Variants in GNAQ observed in about 807,000 individuals in gnomAD.
The protein encoded by GNAQ is G protein subunit alpha q.
A neutral mutation model predicts 43.9 loss-of-function variants in GNAQ; 8 were observed. That is an observed-to-expected ratio of 0.18 (90% CI 0.11 to 0.33). The LOEUF (loss-of-function observed/expected upper bound fraction) is 0.33, where lower values mean the gene tolerates loss of function less well. Among genes scored for constraint, GNAQ ranks in the 10% least tolerant of loss-of-function variants. The pLI, the probability that GNAQ is intolerant of heterozygous loss-of-function variation, is 1.00. For missense variants in GNAQ, 158 were observed against 450.8 expected, an observed-to-expected ratio of 0.35 and a Z score of 5.88; for synonymous variants, 155 against 170.7, an observed-to-expected ratio of 0.91 and a Z score of 0.71.
intron 2 of GNAQ, among the ~76,000 whole-genome samples, chr9:77,822,842 A>G (rs186417753): frequency 6.6e-6 from 1 of 152,310 alleles, no homozygotes; most frequent in East Asian, 1.9e-4. Flanking sequence ...CCCCTTTAAC[A>G]GAGCCAGAAA....
intron 1 of GNAQ, among the ~76,000 whole-genome samples, chr9:78,022,108 C>T (rs1204244003): frequency 6.6e-6 from 1 of 152,190 alleles, no homozygotes; most frequent in African/African-American, 2.4e-5. Flanking sequence ...CTCCCCACTG[C>T]AGGGCACTCA....
intron 1 of GNAQ, among the ~76,000 whole-genome samples, chr9:77,971,283 GC>G (rs1335138842): frequency 1.3e-5 from 2 of 152,162 alleles, no homozygotes; most frequent in African/African-American, 4.8e-5. Flanking sequence ...ATTTTATGAG[GC>G]CAGCATCATC....
At chr9:77,999,451 C>T (rs1823617167) in intron 1 of GNAQ, among the ~76,000 whole-genome samples, 1 of 152,162 alleles carries the variant, frequency 6.6e-6, no homozygotes, top group African/African-American at 2.4e-5. Flanking sequence ...ACTTTAAAAG[C>T]TGATAGAGAA....
intron 3 of GNAQ, among the ~76,000 whole-genome samples, chr9:77,814,071 A>C (rs1826972660): frequency 1.3e-5 from 2 of 152,186 alleles, no homozygotes; most frequent in South Asian, 4.1e-4. Context: ...ATGAGACAGC[A>C]GCAACATGGG....
chr9:77,923,599 A>T (rs1299037393), intron 1 of GNAQ, among the ~76,000 whole-genome samples: 1 of 152,114 alleles, frequency 6.6e-6, no homozygotes, highest in African/African-American at 2.4e-5. Context: ...CTCCCTCTCA[A>T]ATTTCCTTGA....
At chr9:77,787,200 A>G (rs918260787) in intron 5 of GNAQ, among the ~76,000 whole-genome samples, 2 of 152,214 alleles carry the variant, frequency 1.3e-5, no homozygotes, top group African/African-American at 2.4e-5. Context: ...AAACTAAACA[A>G]TGGTATTTAG....
intron 2 of GNAQ, among the ~76,000 whole-genome samples, chr9:77,844,623 G>C (rs1225833212): frequency 2.6e-5 from 4 of 152,064 alleles, no homozygotes; most frequent in African/African-American, 9.7e-5. Flanking sequence ...GTGTGTCCTT[G>C]AGAAAATTAT....
At chr9:77,903,625 T>C (rs1053877752) in intron 2 of GNAQ, among the ~76,000 whole-genome samples, 3 of 152,064 alleles carry the variant, frequency 2.0e-5, no homozygotes, top group Non-Finnish European at 4.4e-5. Context: ...GATTCTCCTG[T>C]GGGAAGCTGA....
rs551876418 is a variant in GNAQ at position 77,969,314 on chromosome 9, G to A, written c.137-46969C>T. On this transcript the variant is annotated intron_variant, in intron 1 of 6. Coordinates refer to ENST00000286548, the MANE Select transcript of GNAQ (RefSeq NM_002072.5). ...TAACACACCCGAATTACCATCCAGC[G>A]CCCTAAAGCATCAATTTAAGAATTT... 1.3e-3 allele frequency among the ~76,000 whole-genome samples: 200 copies of A among 152,176 alleles called. 1 individual carries two copies. The highest frequency in any genetic ancestry group is 2.1e-3 in the Non-Finnish European group (145 of 68,020).
At chr9:77,938,629 GAGAAAGAGGAGACCA>G (rs1175364319) in intron 1 of GNAQ, among the ~76,000 whole-genome samples, 1 of 152,164 alleles carries the variant, frequency 6.6e-6, no homozygotes, top group African/African-American at 2.4e-5. Flanking sequence ...GCTGCAGTGA[GAGAAAGAGGAGACCA>G]AGAAAGAAGC....
chr9:77,728,670 G>GAAA lies in GNAQ; in HGVS notation c.736-4_736-3insTTT. ...GCCTTGCTTTCCTCCATTCGGTTCT[G>GAAA]GAAAAAAAAAAAAAATCAGAAAAAA... On this transcript the variant is annotated splice_polypyrimidine_tract_variant and splice_region_variant and intron_variant, in intron 5 of 6. Coordinates refer to ENST00000286548, the MANE Select transcript of GNAQ (RefSeq NM_002072.5). 1 of 1,440,438 alleles carries GAAA rather than the reference G, an allele frequency of 6.9e-7. No individual in the cohort carries two copies. The highest frequency in any genetic ancestry group is 2.5e-5 in the Admixed American group (1 of 39,308). The allele number at this position is 1,440,438 out of a possible 1,614,324, so 89.2% of individuals were successfully genotyped here.
rs538851656 is a variant in GNAQ at position 78,012,270 on chromosome 9, C to T, written c.136+18830G>A. ...TTTTTTTTTTTGAGACGGAGTCTCA[C>T]CTTGTCACCCAGGCTGGAGTGCAAT... On this transcript the variant is annotated intron_variant, in intron 1 of 6. Transcript: ENST00000286548. Among the ~76,000 whole-genome samples the T allele has an allele frequency of 2.7e-5, 4 of 146,792 alleles. No individual in the cohort carries two copies. The East Asian group carries it at 8.1e-4, about 30-fold the overall frequency.
intron 2 of GNAQ, among the ~76,000 whole-genome samples, chr9:77,864,106 A>G (rs1037212129): frequency 2.0e-5 from 3 of 151,978 alleles, no homozygotes; most frequent in Non-Finnish European, 4.4e-5. Flanking sequence ...GGCAGAAGGC[A>G]AAGGGAAGCA....
At chr9:77,792,210 A>G (rs1826586303) in intron 5 of GNAQ, among the ~76,000 whole-genome samples, 1 of 152,194 alleles carries the variant, frequency 6.6e-6, no homozygotes, top group South Asian at 2.1e-4. Context: ...ACACCGTACA[A>G]GTTGACTTTC....
chr9:77,818,546 C>T (rs76351839), intron 2 of GNAQ, among the ~76,000 whole-genome samples: 2,287 of 150,194 alleles, frequency 0.015, 51 homozygotes, highest in African/African-American at 0.052. Context: ...GTCCAAATGT[C>T]GAATGTGAAA....
chr9:77,742,107 G>GA (rs1349998914), intron 5 of GNAQ, among the ~76,000 whole-genome samples: 8 of 152,102 alleles, frequency 5.3e-5, no homozygotes, highest in African/African-American at 1.9e-4. Flanking sequence ...CTGTCTGCTT[G>GA]AAAAATCAGT....
At chr9:77,860,182 T>A (rs980105943) in intron 2 of GNAQ, among the ~76,000 whole-genome samples, 1 of 152,210 alleles carries the variant, frequency 6.6e-6, no homozygotes, top group Non-Finnish European at 1.5e-5. Context: ...CACCTGGGCA[T>A]CTGCAGGCGG....
intron 1 of GNAQ, among the ~76,000 whole-genome samples, chr9:77,981,977 G>A (rs1335858115): frequency 1.3e-5 from 2 of 152,150 alleles, no homozygotes; most frequent in African/African-American, 4.8e-5. Flanking sequence ...AGGGTGCTCT[G>A]TTCTGTGTTT....
intron 5 of GNAQ, among the ~76,000 whole-genome samples, chr9:77,745,156 G>A (rs1041786679): frequency 3.3e-5 from 5 of 152,120 alleles, no homozygotes; most frequent in Admixed American, 2.0e-4. Context: ...GGGAAAAGTC[G>A]AGTAGGCACC....
Sources: allele counts gnomAD v4.1 joint callset (sites outside exome capture counted in the v4.1 genomes callset), GRCh38; gene constraint gnomAD v4.1.1; transcripts MANE v1.5; gene names NCBI Gene and HGNC (gene_info 2026-07-23, HGNC 2026-07-21).